WWOX: variants seen among roughly 807,000 people sequenced by gnomAD.
WWOX encodes WW domain containing oxidoreductase.
A neutral mutation model predicts 46.2 loss-of-function variants in WWOX; 69 were observed. That is an observed-to-expected ratio of 1.49 (90% CI 1.23 to 1.82). WWOX has a LOEUF of 1.82. WWOX is among the 40% of genes most tolerant of loss of function. WWOX has a pLI of 0.00. For missense variants in WWOX, 919 were observed against 542.6 expected (o/e 1.69, Z -6.89); for synonymous variants, 359 against 202.6 (o/e 1.77, Z -6.56).
chr16:79,062,212 G>T (rs915226950), intron 8 of WWOX, among the ~76,000 whole-genome samples: 1 of 152,180 alleles, frequency 6.6e-6, no homozygotes, highest in Non-Finnish European at 1.5e-5. Flanking sequence ...AGGAAGAAGC[G>T]TAAGTGTATC....
chr16:78,731,826 G>T (rs1311421762), intron 8 of WWOX, among the ~76,000 whole-genome samples: 1 of 148,804 alleles, frequency 6.7e-6, no homozygotes, highest in African/African-American at 2.5e-5. Flanking sequence ...ACTCCCCAAT[G>T]CCAATTTTTT....
Position 78,337,797 on chromosome 16 carries a change from TAGAGTTTC to T in WWOX, c.517-49062_517-49055del, listed in dbSNP as rs2080927767. ...AGCAATTATAATTGAATCTTGAAGC[TAGAGTTTC>T]TTGGCTATCCTATTTCCCTTTTGTT... On this transcript the variant is annotated intron_variant, in intron 5 of 8. Transcript: ENST00000566780. 7.1e-5 allele frequency among the ~76,000 whole-genome samples: 4 copies of T among 56,528 alleles called. 1 individual carries two copies. Among genetic ancestry groups the T allele is most frequent in the Non-Finnish European group, 1.1e-4 (2 of 17,708 alleles). 37.1% of individuals were successfully genotyped at this position (56,528 alleles called of 152,430 possible). A position where few individuals can be genotyped will look rare whatever the true frequency, so the allele number is the denominator to read the frequency against.
chr16:78,114,120 C>G (rs1057315317), intron 3 of WWOX, among the ~76,000 whole-genome samples: 3 of 144,976 alleles, frequency 2.1e-5, no homozygotes, highest in African/African-American at 5.1e-5. Context: ...AATGGTTACC[C>G]AGGGTCTTGG....
At chr16:78,706,083 T>A (rs1042582380) in intron 8 of WWOX, among the ~76,000 whole-genome samples, 43 of 127,580 alleles carry the variant, frequency 3.4e-4, no homozygotes, top group African/African-American at 1.3e-3. Context: ...TTTTTTTGAC[T>A]AAATTCACCC....
chr16:78,467,387 A>G (rs144943587), intron 8 of WWOX, among the ~76,000 whole-genome samples: 302 of 152,330 alleles, frequency 2.0e-3, no homozygotes, highest in African/African-American at 6.7e-3. Context: ...CAAGCTTACT[A>G]TATGCTAGAG....
intron 8 of WWOX, among the ~76,000 whole-genome samples, chr16:78,861,381 G>A (rs768046629): frequency 2.6e-5 from 4 of 152,084 alleles, no homozygotes; most frequent in Non-Finnish European, 5.9e-5. Context: ...ATTTTAAAAT[G>A]TAAAATGATT....
At chr16:78,230,732 T>A (rs1238047845) in intron 5 of WWOX, among the ~76,000 whole-genome samples, 1 of 152,110 alleles carries the variant, frequency 6.6e-6, no homozygotes, top group Non-Finnish European at 1.5e-5. Context: ...GAAGGCAAAT[T>A]CACTTTGAGC....
chr16:78,600,989 C>G (rs2045609009), intron 8 of WWOX, among the ~76,000 whole-genome samples: 2 of 152,142 alleles, frequency 1.3e-5, no homozygotes, highest in African/African-American at 4.8e-5. Context: ...TCTGCCATCC[C>G]TCTGTCACTA....
At chr16:79,123,012 A>G (rs1197016402) in intron 8 of WWOX, among the ~76,000 whole-genome samples, 4 of 152,146 alleles carry the variant, frequency 2.6e-5, no homozygotes, top group Non-Finnish European at 5.9e-5. Context: ...TTCTCTCTTG[A>G]ACAATGTGAA....
At chr16:78,744,136 A>G (rs1441785727) in intron 8 of WWOX, among the ~76,000 whole-genome samples, 6 of 152,216 alleles carry the variant, frequency 3.9e-5, no homozygotes, top group African/African-American at 1.4e-4. Flanking sequence ...CTGAGAACAC[A>G]GTAAACAGGC....
chr16:78,232,596 C>CTTTTAAAATCTGAGGAAT (rs1402113503), intron 5 of WWOX, among the ~76,000 whole-genome samples: 1 of 152,112 alleles, frequency 6.6e-6, no homozygotes, highest in Non-Finnish European at 1.5e-5. Flanking sequence ...GAAAAATTAA[C>CTTTTAAAATCTGAGGAAT]TTTTAAAATC....
At chr16:79,064,577 A>C (rs2048409542) in intron 8 of WWOX, among the ~76,000 whole-genome samples, 1 of 152,206 alleles carries the variant, frequency 6.6e-6, no homozygotes. Flanking sequence ...GTGGCTTATC[A>C]AGCACAGGAA....
chr16:78,760,870 G>C (rs117300233), intron 8 of WWOX, among the ~76,000 whole-genome samples: 1 of 152,180 alleles, frequency 6.6e-6, no homozygotes, highest in East Asian at 1.9e-4. Flanking sequence ...GTCTGGGGAG[G>C]CCTCACAATC....
intron 8 of WWOX, among the ~76,000 whole-genome samples, chr16:78,903,970 C>G (rs2044893990): frequency 6.6e-6 from 1 of 152,070 alleles, no homozygotes; most frequent in Non-Finnish European, 1.5e-5. Context: ...AATGGAGACT[C>G]CTTGTGTGTA....
intron 8 of WWOX, among the ~76,000 whole-genome samples, chr16:78,554,410 A>G (rs1772437747): frequency 6.6e-6 from 1 of 152,212 alleles, no homozygotes; most frequent in Admixed American, 6.5e-5. Context: ...CCTGAGGCAT[A>G]AATGGGTTTT....
At chr16:79,195,007 GTATGGATTA>G (rs1383473818) in intron 8 of WWOX, among the ~76,000 whole-genome samples, 1 of 152,136 alleles carries the variant, frequency 6.6e-6, no homozygotes, top group Non-Finnish European at 1.5e-5. Flanking sequence ...CTTCTGCTGA[GTATGGATTA>G]TATGCCTGTT....
At chr16:78,355,126 T>C (rs549454493) in intron 5 of WWOX, among the ~76,000 whole-genome samples, 5 of 147,838 alleles carry the variant, frequency 3.4e-5, no homozygotes, top group African/African-American at 1.2e-4. Context: ...AGGGAGACTC[T>C]GTCTCAAAAG....
chr16:78,896,266 A>G (rs1312931048), intron 8 of WWOX: 1 of 151,840 alleles, frequency 6.6e-6, no homozygotes, highest in Non-Finnish European at 1.5e-5. Flanking sequence ...TTGTTTTTGT[A>G]AATTTGCTTA....
At chr16:78,672,804 A>AACTTG (rs1271355770) in intron 8 of WWOX, among the ~76,000 whole-genome samples, 1 of 152,234 alleles carries the variant, frequency 6.6e-6, no homozygotes, top group African/African-American at 2.4e-5. Flanking sequence ...TTCCAATGAT[A>AACTTG]ACAGCCATCT....
Sources: allele counts gnomAD v4.1 joint callset (sites outside exome capture counted in the v4.1 genomes callset), GRCh38; gene constraint gnomAD v4.1.1; transcripts MANE v1.5; gene names NCBI Gene and HGNC (gene_info 2026-07-23, HGNC 2026-07-21).